Variants in EML5 observed in about 807,000 individuals in gnomAD.
EML5 encodes the protein EMAP like 5, also known as echinoderm microtubule-associated protein-like 5.
EML5 carries 120 observed loss-of-function variants against 250.0 expected under a neutral mutation model. That is an observed-to-expected ratio of 0.48 (90% confidence interval 0.41 to 0.56). EML5 has a LOEUF of 0.56. Among genes scored for constraint, EML5 ranks in the 20% least tolerant of loss-of-function variants. The pLI, the probability that EML5 is intolerant of heterozygous loss-of-function variation, is 0.00. For missense variants in EML5, 2,006 were observed against 2,437.6 expected, an observed-to-expected ratio of 0.82 and a Z score of 3.73; for synonymous variants, 771 against 806.5, an observed-to-expected ratio of 0.96 and a Z score of 0.75.
At position 88,706,421 on chromosome 14, in the gene EML5, T is replaced by C; in HGVS notation, c.1663A>G (p.Lys555Glu). The change falls in exon 11 of 44, where the codon AAG becomes GAG. Residue 555 changes from lysine to glutamate, a missense_variant. Coordinates refer to ENST00000554922, the MANE Select transcript of EML5 (RefSeq NM_183387.3). The part of the protein sequence containing the change: ...FRYPCLRKGA[K>E]FRKYIGHSAH... ...GAATGGCCAATATATTTTCTAAACT[T>C]GGCCCCTATAATAAAAATATATCTT... The C allele has an allele frequency of 6.6e-7, 1 of 1,526,354 alleles. No individual in the cohort carries two copies. The allele number at this position is 1,526,354 out of a possible 1,614,324, so 94.6% of individuals were successfully genotyped here. A position where few individuals can be genotyped will look rare whatever the true frequency, so the allele number is the denominator to read the frequency against.
At chr14:88,790,959 T>C (rs2094599898) in intron 1 of EML5, among the ~76,000 whole-genome samples, 1 of 152,224 alleles carries the variant, frequency 6.6e-6, no homozygotes, top group Non-Finnish European at 1.5e-5. Flanking sequence ...ATCAGTTACC[T>C]TTTCAAAGTA....
At chr14:88,726,822 A>C in intron 7 of EML5, 144 bp from the exon 8 acceptor site, 1 of 670,656 alleles carries the variant, frequency 1.5e-6, no homozygotes. Context: ...CTTATCTATG[A>C]AAATGGGAAT....
intron 2 of EML5, among the ~76,000 whole-genome samples, chr14:88,749,021 T>C (rs1163960807): frequency 2.0e-5 from 3 of 147,354 alleles, no homozygotes; most frequent in Non-Finnish European, 3.0e-5. Flanking sequence ...ACTGAAGAAA[T>C]AATAGTAAAA....
In EML5 at chr14:88,616,768, A is replaced by G. The variant is rs1202653478; in HGVS notation, c.5754T>C (p.Phe1918=). Residue 1918 remains phenylalanine, a synonymous_variant, in exon 42 of 44, where the codon TTT becomes TTC. Coordinates refer to ENST00000554922, the MANE Select transcript of EML5 (RefSeq NM_183387.3). ...SGISLVTGDD[F]GMVKLFDFPC... is the part of the protein sequence containing the mutation. ...GGAAGTCAAATAACTTAACCATGCCAAAGTCATCTCCTGTAACAAGACTGA... is the reference window on the plus strand; with the variant it reads ...GGAAGTCAAATAACTTAACCATGCCGAAGTCATCTCCTGTAACAAGACTGA... 3.1e-6 allele frequency: 5 copies of G among 1,613,812 alleles called. No individual in the cohort carries two copies. In the Admixed American group the frequency reaches 6.7e-5, roughly 22 times the overall value.
rs774451260 is a variant in EML5 at position 88,617,489 on chromosome 14, C to T, written c.5643-610G>A. The T allele has an allele frequency of 5.9e-4, 90 of 152,362 alleles. 1 individual carries two copies. Among genetic ancestry groups the T allele is most frequent in the Non-Finnish European group, 9.7e-4 (66 of 68,184 alleles). 9.4% of individuals were successfully genotyped at this position (152,362 alleles called of 1,614,324 possible). Reference sequence around the variant, plus strand: ...TTTTCAAATTAAAAGTGCTACTTGGCTGGGTCCAGCAGCACATACCAGTAA... The same window carrying T: ...TTTTCAAATTAAAAGTGCTACTTGGTTGGGTCCAGCAGCACATACCAGTAA... On this transcript the variant is annotated intron_variant, in intron 41 of 43. Transcript: ENST00000554922.
intron 2 of EML5, among the ~76,000 whole-genome samples, chr14:88,751,169 A>G (rs2094088591): frequency 6.6e-6 from 1 of 152,234 alleles, no homozygotes; most frequent in African/African-American, 2.4e-5. Context: ...ACGCAACAAC[A>G]GACAGGACAA....
At chr14:88,695,496 T>A in intron 15 of EML5, 42 bp from the exon 16 acceptor site, 1 of 1,526,672 alleles carries the variant, frequency 6.6e-7, no homozygotes, top group Non-Finnish European at 9.0e-7. Flanking sequence ...CTATTAACAT[T>A]CAGAAGAGAG....
In EML5 at chr14:88,705,391, C is replaced by G. The variant is rs2093297720; in HGVS notation, c.1932+91G>C. 4 of 954,844 alleles carry G rather than the reference C, an allele frequency of 4.2e-6. No homozygotes were observed. The South Asian group carries it at 5.8e-5, about 14-fold the overall frequency. 59.1% of individuals were successfully genotyped at this position (954,844 alleles called of 1,614,324 possible). A position where few individuals can be genotyped will look rare whatever the true frequency, so the allele number is the denominator to read the frequency against. Reference sequence around the variant, plus strand: ...TCATACATTGCTTGAGAAATTAAAGCCACAAAAGATAACAACAGATGACTA... The same window carrying G: ...TCATACATTGCTTGAGAAATTAAAGGCACAAAAGATAACAACAGATGACTA... On this transcript the variant is annotated intron_variant, in intron 12 of 43. Coordinates refer to ENST00000554922, the MANE Select transcript of EML5 (RefSeq NM_183387.3).
intron 7 of EML5, 41 bp downstream of exon 7, chr14:88,736,323 G>C: frequency 6.3e-7 from 1 of 1,595,572 alleles, no homozygotes; most frequent in Non-Finnish European, 8.6e-7. Flanking sequence ...TTTATCTAAG[G>C]ATACATTCCA....
chr14:88,675,512 G>A (rs2092573892), intron 21 of EML5, among the ~76,000 whole-genome samples: 1 of 152,176 alleles, frequency 6.6e-6, no homozygotes, highest in East Asian at 1.9e-4. Context: ...CAGAGTAGAG[G>A]GGCCCGTGGC....
rs140398081 is a variant in EML5, at chr14:88,726,779, ATATCT to A, written c.1050-106_1050-102del. 3.6e-3 allele frequency: 2,957 copies of A among 814,524 alleles called. 14 individuals carry two copies. The highest frequency in any genetic ancestry group is 8.6e-3 in the Middle Eastern group (28 of 3,238). 50.5% of individuals were successfully genotyped at this position (814,524 alleles called of 1,614,324 possible). A position where few individuals can be genotyped will look rare whatever the true frequency, so the allele number is the denominator to read the frequency against. On this transcript the variant is annotated intron_variant, in intron 7 of 43. Transcript: ENST00000554922. ...CTCATCTTAATTAAGATAAATCTAG[ATATCT>A]TAACTATCTGTTGTGTGGCAAGAAA...
At chr14:88,670,010 G>A (rs2141031183) in intron 21 of EML5, among the ~76,000 whole-genome samples, 1 of 152,082 alleles carries the variant, frequency 6.6e-6, no homozygotes, top group East Asian at 1.9e-4. Context: ...GAGGAAGAGG[G>A]GTCTGACTGT....
At chr14:88,653,056 T>G (rs2091706094) in intron 27 of EML5, among the ~76,000 whole-genome samples, 1 of 152,286 alleles carries the variant, frequency 6.6e-6, no homozygotes, top group Admixed American at 6.5e-5. Context: ...ATTCTCTGTG[T>G]AGCAGTTGTG....
At chr14:88,735,159 G>A (rs149295969) in intron 7 of EML5, among the ~76,000 whole-genome samples, 20 of 152,224 alleles carry the variant, frequency 1.3e-4, no homozygotes, top group African/African-American at 4.3e-4. Flanking sequence ...TGAGTATATC[G>A]TAGTCACTTG....
At chr14:88,638,755 A>ATT in intron 32 of EML5, 54 bp downstream of exon 32, 4 of 1,424,676 alleles carry the variant, frequency 2.8e-6, no homozygotes, top group Non-Finnish European at 3.8e-6. Context: ...TATTGAATTT[A>ATT]TTTGAACAAA....
intron 1 of EML5, among the ~76,000 whole-genome samples, chr14:88,789,166 G>A (rs887742716): frequency 2.0e-5 from 3 of 151,904 alleles, no homozygotes; most frequent in African/African-American, 7.3e-5. Flanking sequence ...AAAACTGGTA[G>A]TAGCTTATTT....
chr14:88,715,252 C>T (rs1328260331), intron 8 of EML5, 57 bp from the exon 9 acceptor site: 5 of 1,472,040 alleles, frequency 3.4e-6, no homozygotes, highest in Middle Eastern at 1.8e-4. Context: ...GAATTAATGC[C>T]GTTTCAAACA....
chr14:88,789,089 C>T (rs1369629641), intron 1 of EML5, among the ~76,000 whole-genome samples: 1 of 151,568 alleles, frequency 6.6e-6, no homozygotes, highest in Admixed American at 6.6e-5. Flanking sequence ...AAAAAGCTAT[C>T]GCATTCTTGT....
At chr14:88,643,278 C>T (rs1379488862) in intron 30 of EML5, among the ~76,000 whole-genome samples, 2 of 152,006 alleles carry the variant, frequency 1.3e-5, no homozygotes, top group African/African-American at 4.8e-5. Flanking sequence ...TAGTCTGATT[C>T]CAAGAACTTT....
Sources: gnomAD v4.1 joint callset for allele counts (sites outside exome capture counted in the v4.1 genomes callset) on GRCh38, gnomAD v4.1.1 for gene constraint, MANE v1.5 for transcripts, NCBI Gene and HGNC (gene_info 2026-07-23, HGNC 2026-07-21) for gene names.